Variants in MARCHF4 observed in about 807,000 individuals in gnomAD.
MARCHF4 encodes membrane associated ring-CH-type finger 4, also known as E3 ubiquitin-protein ligase MARCHF4.
Under a neutral mutation model 43.9 loss-of-function variants are expected in MARCHF4, and 14 were observed. The observed-to-expected ratio is 0.32, with a 90% confidence interval of 0.21 to 0.50. MARCHF4 has a LOEUF of 0.50. MARCHF4 is among the 20% of genes least tolerant of loss of function. MARCHF4 has a pLI of 0.98. For synonymous variants in MARCHF4, 226 were observed against 213.3 expected, an observed-to-expected ratio of 1.06 and a Z score of -0.52; for missense variants, 468 against 536.7, an observed-to-expected ratio of 0.87 and a Z score of 1.27.
At chr2:216,357,818 T>C (rs557896365) in intron 1 of MARCHF4, among the ~76,000 whole-genome samples, 1 of 152,376 alleles carries the variant, frequency 6.6e-6, no homozygotes, top group East Asian at 1.9e-4. Context: ...TTTGAGTTTG[T>C]TCCATATACT....
chr2:216,320,652 TTTCTTTCTTTCTTTC>T (rs1479032982), intron 1 of MARCHF4, among the ~76,000 whole-genome samples: 1 of 122,082 alleles, frequency 8.2e-6, no homozygotes, highest in East Asian at 2.3e-4. Context: ...TCTTTCTTTC[TTTCTTTCTTTCTTTC>T]TTTCTTTCTT....
rs79996312 is a variant in MARCHF4, at chr2:216,290,035, G to C, written c.517-6306C>G. On this transcript the variant is annotated intron_variant, in intron 1 of 3. Transcript: ENST00000273067. ...CTACTATGTTCCAGGTTTTGTTTTAGGTGATAAGGATACTGCAGTGAATGG... is the reference window on the plus strand; with the variant it reads ...CTACTATGTTCCAGGTTTTGTTTTACGTGATAAGGATACTGCAGTGAATGG... Among the ~76,000 whole-genome samples, 44 of 152,208 alleles carry C rather than the reference G, an allele frequency of 2.9e-4. No individual in the cohort carries two copies. In the East Asian group the frequency reaches 5.8e-3, roughly 20 times the overall value.
At chr2:216,262,883 T>C (rs888330017) in intron 3 of MARCHF4, among the ~76,000 whole-genome samples, 2 of 152,170 alleles carry the variant, frequency 1.3e-5, no homozygotes, top group African/African-American at 2.4e-5. Flanking sequence ...AAATCTTTTA[T>C]AACAAAACAA....
chr2:216,356,631 A>G (rs1041349262), intron 1 of MARCHF4, among the ~76,000 whole-genome samples: 6 of 152,214 alleles, frequency 3.9e-5, no homozygotes, highest in Admixed American at 1.3e-4. Flanking sequence ...CTATACTGGT[A>G]ATTCACAATT....
chr2:216,261,664 C>T (rs1690745638), intron 3 of MARCHF4, among the ~76,000 whole-genome samples: 1 of 152,132 alleles, frequency 6.6e-6, no homozygotes, highest in African/African-American at 2.4e-5. Context: ...GTCAGATGGG[C>T]AACTGGACAT....
At chr2:216,310,480 T>C (rs955030239) in intron 1 of MARCHF4, among the ~76,000 whole-genome samples, 1 of 152,158 alleles carries the variant, frequency 6.6e-6, no homozygotes, top group Non-Finnish European at 1.5e-5. Context: ...TGGACTGGCC[T>C]TGAGCTCCTG....
At chr2:216,324,142 G>T (rs1193370475) in intron 1 of MARCHF4, among the ~76,000 whole-genome samples, 2 of 145,764 alleles carry the variant, frequency 1.4e-5, no homozygotes, top group Non-Finnish European at 3.0e-5. Context: ...TATCACCACC[G>T]ATCCCACAGA....
intron 1 of MARCHF4, among the ~76,000 whole-genome samples, chr2:216,302,584 C>A (rs1024692206): frequency 3.3e-5 from 5 of 151,824 alleles, no homozygotes; most frequent in African/African-American, 1.2e-4. Context: ...GTGAGCAATA[C>A]ATTGAAGAGG....
intron 1 of MARCHF4, among the ~76,000 whole-genome samples, chr2:216,324,735 T>C (rs199680201): frequency 0.26 from 28,809 of 112,380 alleles, 4,093 homozygotes; most frequent in East Asian, 0.43. Flanking sequence ...TCTCAATAGA[T>C]GCAGAAAAGG....
At chr2:216,303,798 A>T (rs1016484816) in intron 1 of MARCHF4, 8 of 152,186 alleles carry the variant, frequency 5.3e-5, no homozygotes, top group African/African-American at 1.2e-4. Context: ...ACAGTTTTTT[A>T]TATTTAAAGA....
At chr2:216,302,959 T>A (rs1338094595) in intron 1 of MARCHF4, among the ~76,000 whole-genome samples, 1 of 143,834 alleles carries the variant, frequency 7.0e-6, no homozygotes, top group Non-Finnish European at 1.5e-5. Flanking sequence ...GATGTATTTA[T>A]AAAGATATAA....
intron 3 of MARCHF4, chr2:216,265,409 G>A (rs963085877): frequency 1.3e-5 from 2 of 152,292 alleles, no homozygotes; most frequent in African/African-American, 4.8e-5. Context: ...AAGCTCCACG[G>A]GTCATCAGAA....
chr2:216,350,767 T>C (rs1341846847), intron 1 of MARCHF4, among the ~76,000 whole-genome samples: 1 of 152,204 alleles, frequency 6.6e-6, no homozygotes, highest in East Asian at 1.9e-4. Context: ...CTCATCATCA[T>C]GGTTTTTTAT....
At chr2:216,301,019 C>T (rs1691484688) in intron 1 of MARCHF4, among the ~76,000 whole-genome samples, 3 of 152,152 alleles carry the variant, frequency 2.0e-5, no homozygotes, top group African/African-American at 7.2e-5. Context: ...GTATCCTGGC[C>T]GCTCCTTAGC....
At chr2:216,367,976 G>A (rs1268281632) in intron 1 of MARCHF4, among the ~76,000 whole-genome samples, 6 of 152,090 alleles carry the variant, frequency 3.9e-5, no homozygotes, top group Non-Finnish European at 7.3e-5. Context: ...TCCAAATCAC[G>A]TAAGTTGGAA....
chr2:216,321,458 G>T, intron 1 of MARCHF4: 1 of 152,318 alleles, frequency 6.6e-6, no homozygotes. Flanking sequence ...GGTCCTTGAA[G>T]GAATGATGCT....
chr2:216,368,820 T>C lies in MARCHF4; in HGVS notation c.516+925A>G, dbSNP rs151270551. ...GATTCTTTGGAGAGTGTTGCCACAT[T>C]CTATAGTTCCTGAAGAATGTACACA... On this transcript the variant is annotated intron_variant, in intron 1 of 3. Transcript: ENST00000273067. Among the ~76,000 whole-genome samples the C allele has an allele frequency of 6.0e-3, 910 of 152,318 alleles. 9 individuals carry two copies. Among genetic ancestry groups the C allele is most frequent in the Non-Finnish European group, 8.5e-3 (581 of 68,028 alleles).
intron 1 of MARCHF4, among the ~76,000 whole-genome samples, chr2:216,340,661 A>T (rs7420586): frequency 0.023 from 3,563 of 152,278 alleles, 123 homozygotes; most frequent in African/African-American, 0.077. Context: ...GACTTCATGG[A>T]CAAAAAGGGA....
chr2:216,319,674 A>C (rs1691847915), intron 1 of MARCHF4, among the ~76,000 whole-genome samples: 1 of 152,216 alleles, frequency 6.6e-6, no homozygotes, highest in African/African-American at 2.4e-5. Flanking sequence ...GGGAAACATA[A>C]TAAGCCTCTT....
Sources: gnomAD v4.1 joint callset for allele counts (sites outside exome capture counted in the v4.1 genomes callset) on GRCh38, gnomAD v4.1.1 for gene constraint, MANE v1.5 for transcripts, NCBI Gene and HGNC (gene_info 2026-07-23, HGNC 2026-07-21) for gene names.